The following UNC13C variants were observed in gnomAD, a reference collection of about 807,000 sequenced individuals.
UNC13C encodes unc-13 homolog C.
In UNC13C, 174 loss-of-function variants were observed where a neutral mutation model predicts 245.4. The observed-to-expected ratio is 0.71, with a 90% confidence interval of 0.63 to 0.80. The LOEUF (loss-of-function observed/expected upper bound fraction) is 0.80. UNC13C is among the 30% of genes least tolerant of loss of function. The probability of loss-of-function intolerance (pLI) is 0.00; values close to 1 mark genes in which losing one functional copy is unlikely to be tolerated. For missense variants in UNC13C, 2,829 were observed against 2,602.9 expected (o/e 1.09, Z -1.89); for synonymous variants, 992 against 895.1 (o/e 1.11, Z -1.93).
chr15:54,100,984 A>T (rs1900133384), intron 2 of UNC13C, among the ~76,000 whole-genome samples: 1 of 152,200 alleles, frequency 6.6e-6, no homozygotes, highest in Non-Finnish European at 1.5e-5. Flanking sequence ...TACACCAAGT[A>T]ATTAACATCC....
intron 1 of UNC13C, among the ~76,000 whole-genome samples, chr15:53,998,551 G>T (rs1894740028): frequency 6.6e-6 from 1 of 152,038 alleles, no homozygotes; most frequent in South Asian, 2.1e-4. Flanking sequence ...AAATACTCAT[G>T]TCAACTGTGG....
intron 10 of UNC13C, among the ~76,000 whole-genome samples, chr15:54,282,850 C>T (rs2140919294): frequency 6.6e-6 from 1 of 152,236 alleles, no homozygotes; most frequent in Middle Eastern, 3.4e-3. Context: ...AAGTTCAGGT[C>T]ATCTTTGCTG....
At chr15:54,249,231 GT>G (rs2036076296) in intron 7 of UNC13C, among the ~76,000 whole-genome samples, 2 of 106,082 alleles carry the variant, frequency 1.9e-5, no homozygotes, top group Non-Finnish European at 3.7e-5. Context: ...GTTGTTGGTG[GT>G]TTGTTTTTTT....
intron 2 of UNC13C, among the ~76,000 whole-genome samples, chr15:54,109,042 T>C (rs1900611470): frequency 6.6e-6 from 1 of 152,100 alleles, no homozygotes; most frequent in South Asian, 2.1e-4. Flanking sequence ...CTGTACTCAC[T>C]ACCTGCCCAA....
At chr15:53,933,831 A>G in the UNC13C span, among the ~76,000 whole-genome samples, 508 of 152,298 alleles carry the variant, frequency 3.3e-3, 2 homozygotes, top group African/African-American at 0.012. Context: ...ATTTTACTCA[A>G]TAATGCTCTG....
chr15:54,351,204 G>A (rs1033458788), intron 17 of UNC13C, among the ~76,000 whole-genome samples: 2 of 152,074 alleles, frequency 1.3e-5, no homozygotes, highest in African/African-American at 4.8e-5. Flanking sequence ...ATTTCCTGCT[G>A]CTAAAGGGTT....
chr15:53,976,707 G>A (rs1395452867), upstream of UNC13C: 2 of 151,804 alleles, frequency 1.3e-5, no homozygotes, highest in Non-Finnish European at 2.9e-5. Flanking sequence ...CCTTCTGTAG[G>A]TTTAAACATT....
At chr15:54,170,780 G>A (rs980950821) in intron 4 of UNC13C, among the ~76,000 whole-genome samples, 2 of 152,142 alleles carry the variant, frequency 1.3e-5, no homozygotes, top group East Asian at 1.9e-4. Flanking sequence ...TGTTTTGGCT[G>A]TAAAGACCCA....
intron 17 of UNC13C, among the ~76,000 whole-genome samples, chr15:54,377,604 A>AT (rs1251965520): frequency 6.6e-6 from 1 of 152,226 alleles, no homozygotes; most frequent in East Asian, 1.9e-4. Flanking sequence ...AGCAACAGAA[A>AT]TTTATTTCTC....
chr15:54,235,010 G>A lies in UNC13C; in HGVS notation c.3072-20G>A. 6.2e-7 allele frequency: 1 copy of A among 1,609,830 alleles called. No individual in the cohort carries two copies. Among genetic ancestry groups the A allele is most frequent in the African/African-American group, 1.3e-5 (1 of 74,930 alleles). On this transcript the variant is annotated intron_variant, in intron 4 of 32. Coordinates refer to ENST00000260323, the MANE Select transcript of UNC13C (RefSeq NM_001080534.3). ...AGTCATTTTACCCATTGCAATTATTGGTTTTATTTTGTCTTTCAGGGCTGG... is the reference window on the plus strand; with the variant it reads ...AGTCATTTTACCCATTGCAATTATTAGTTTTATTTTGTCTTTCAGGGCTGG...
At chr15:54,077,599 A>G (rs7172532) in intron 2 of UNC13C, among the ~76,000 whole-genome samples, 71,062 of 151,390 alleles carry the variant, frequency 0.47, 18,605 homozygotes, top group Non-Finnish European at 0.6. Flanking sequence ...TCAAACTCTT[A>G]GTCTCATGTG....
At chr15:54,154,397 C>T (rs149959715) in intron 4 of UNC13C, among the ~76,000 whole-genome samples, 118 of 152,052 alleles carry the variant, frequency 7.8e-4, no homozygotes, top group African/African-American at 2.6e-3. Context: ...TTAAGGGTGA[C>T]ATATACCTGG....
At chr15:54,133,635 C>T (rs1473418237) in intron 2 of UNC13C, among the ~76,000 whole-genome samples, 1 of 152,032 alleles carries the variant, frequency 6.6e-6, no homozygotes, top group East Asian at 1.9e-4. Context: ...ACATTGGGAG[C>T]AGCATTATAG....
At chr15:54,522,849 T>C (rs1895280381) in intron 24 of UNC13C, among the ~76,000 whole-genome samples, 1 of 152,228 alleles carries the variant, frequency 6.6e-6, no homozygotes, top group Non-Finnish European at 1.5e-5. Context: ...TAATTGAGTT[T>C]CTACTTTAGA....
chr15:53,887,655 T>G, the UNC13C span, among the ~76,000 whole-genome samples: 1 of 141,472 alleles, frequency 7.1e-6, no homozygotes, highest in Non-Finnish European at 1.6e-5. Context: ...CATTGTGGTT[T>G]GCTACACCCT....
chr15:54,442,196 C>T (rs763020602), intron 19 of UNC13C, among the ~76,000 whole-genome samples: 3 of 150,728 alleles, frequency 2.0e-5, no homozygotes, highest in Non-Finnish European at 4.4e-5. Context: ...CAAGGACTTC[C>T]AGTACTAAAT....
chr15:54,305,756 G>T (rs2037709415), intron 13 of UNC13C, among the ~76,000 whole-genome samples: 1 of 151,926 alleles, frequency 6.6e-6, no homozygotes, highest in Non-Finnish European at 1.5e-5. Flanking sequence ...AAGAAGAAAT[G>T]CTGTCTTTTC....
intron 2 of UNC13C, among the ~76,000 whole-genome samples, chr15:54,074,484 C>T (rs1209710773): frequency 2.0e-5 from 3 of 152,116 alleles, no homozygotes; most frequent in Admixed American, 6.6e-5. Context: ...GCCATTTTCA[C>T]GATATTGATT....
At chr15:54,076,635 T>A (rs1292980475) in intron 2 of UNC13C, among the ~76,000 whole-genome samples, 1 of 152,130 alleles carries the variant, frequency 6.6e-6, no homozygotes, top group Non-Finnish European at 1.5e-5. Flanking sequence ...GGCAGAGTGA[T>A]AGTTAGTCTC....
Sources: gnomAD v4.1 joint callset for allele counts (sites outside exome capture counted in the v4.1 genomes callset) on GRCh38, gnomAD v4.1.1 for gene constraint, MANE v1.5 for transcripts, NCBI Gene and HGNC (gene_info 2026-07-23, HGNC 2026-07-21) for gene names.